Variants in RSBN1L observed in about 807,000 individuals in gnomAD.
RSBN1L encodes round spermatid basic protein 1 like.
RSBN1L carries 30 observed loss-of-function variants against 67.7 expected under a neutral mutation model. That is an observed-to-expected ratio of 0.44 (90% CI 0.33 to 0.60). RSBN1L has a LOEUF of 0.60. Ranked by LOEUF, RSBN1L falls within the 20% of genes least tolerant of loss-of-function variation. The pLI is 0.02. For synonymous variants in RSBN1L, 433 were observed against 387.0 expected (o/e 1.12, Z -1.39); for missense variants, 992 against 1,031.7 (o/e 0.96, Z 0.53).
At chr7:77,748,478 TTC>T (rs1791512359) in intron 2 of RSBN1L, among the ~76,000 whole-genome samples, 1 of 152,108 alleles carries the variant, frequency 6.6e-6, no homozygotes, top group Admixed American at 6.5e-5. Context: ...GCATAGATGA[TTC>T]TTTTTTTCTT....
At chr7:77,714,391 G>A (rs924039120) in intron 1 of RSBN1L, among the ~76,000 whole-genome samples, 9 of 152,086 alleles carry the variant, frequency 5.9e-5, no homozygotes, top group African/African-American at 1.9e-4. Flanking sequence ...TCTAATCCAA[G>A]GGTGATCTGT....
rs546383275 is a variant in RSBN1L, at chr7:77,763,694, T to C, written c.1345-1801T>C. Among the ~76,000 whole-genome samples the C allele has an allele frequency of 3.9e-4, 60 of 152,336 alleles. No homozygotes were observed. The Middle Eastern group carries it at 0.01, about 26-fold the overall frequency. On this transcript the variant is annotated intron_variant, in intron 3 of 7. Coordinates refer to ENST00000334955, the MANE Select transcript of RSBN1L (RefSeq NM_198467.3). The stretch of plus-strand genomic sequence containing the variant: ...GGGGCATAAGCCCCAGCTGTTCTTA[T>C]ATTTGTTTGTTTTTTTGAGACAGGA...
At chr7:77,770,997 A>C (rs1345025554) in intron 5 of RSBN1L, among the ~76,000 whole-genome samples, 8 of 152,182 alleles carry the variant, frequency 5.3e-5, no homozygotes, top group Admixed American at 5.2e-4. Flanking sequence ...GCTGGAGTGC[A>C]GTGGTGCAAT....
intron 1 of RSBN1L, 52 bp downstream of exon 1, chr7:77,697,107 C>T (rs1790746747): frequency 2.3e-6 from 3 of 1,319,450 alleles, no homozygotes; most frequent in Admixed American, 4.1e-5. Flanking sequence ...TCCCCGCCGC[C>T]CCCTGGCGCC....
chr7:77,754,307 T>C (rs907067373), intron 3 of RSBN1L, among the ~76,000 whole-genome samples: 12 of 152,308 alleles, frequency 7.9e-5, no homozygotes, highest in African/African-American at 2.6e-4. Context: ...GCTTTTCAAG[T>C]TTCAAAGAGT....
intron 2 of RSBN1L, among the ~76,000 whole-genome samples, chr7:77,746,324 G>A (rs987336718): frequency 5.3e-5 from 8 of 152,236 alleles, no homozygotes; most frequent in South Asian, 2.1e-4. Flanking sequence ...CAGGCACGCC[G>A]TACATGGCCA....
chr7:77,719,299 T>C (rs1791086218), intron 1 of RSBN1L, among the ~76,000 whole-genome samples: 1 of 152,208 alleles, frequency 6.6e-6, no homozygotes, highest in Non-Finnish European at 1.5e-5. Flanking sequence ...ATTGGTTGTG[T>C]GAAAAAGTGT....
chr7:77,753,752 T>C (rs1359601477), intron 3 of RSBN1L, among the ~76,000 whole-genome samples: 3 of 152,252 alleles, frequency 2.0e-5, no homozygotes, highest in Admixed American at 6.5e-5. Flanking sequence ...CCTTTCATGG[T>C]TAAATCTATA....
intron 1 of RSBN1L, among the ~76,000 whole-genome samples, chr7:77,719,053 T>TC (rs1791082705): frequency 6.6e-6 from 1 of 152,190 alleles, no homozygotes; most frequent in African/African-American, 2.4e-5. Flanking sequence ...AGCTCAGGAC[T>TC]CCAAGAGTCT....
rs1791994735 is a variant in RSBN1L at position 77,781,316 on chromosome 7, A to G, written c.*2148A>G. On this transcript the variant is annotated 3_prime_UTR_variant, in exon 8 of 8. Transcript: ENST00000334955. ...CATTGTCTTACCATGCTCCCCACCTATTTAATCTTCTGTTTTAAGCTAAAT... is the reference window on the plus strand; with the variant it reads ...CATTGTCTTACCATGCTCCCCACCTGTTTAATCTTCTGTTTTAAGCTAAAT... The G allele has an allele frequency of 2.6e-5, 4 of 152,210 alleles. No homozygotes were observed. The highest frequency in any genetic ancestry group is 2.6e-4 in the Admixed American group (4 of 15,274). The allele number at this position is 152,210 out of a possible 1,614,324, so 9.4% of individuals were successfully genotyped here.
chr7:77,723,244 G>A (rs2150416696), intron 1 of RSBN1L, among the ~76,000 whole-genome samples: 1 of 152,170 alleles, frequency 6.6e-6, no homozygotes, highest in East Asian at 1.9e-4. Context: ...GGGATTACAG[G>A]TGTGAGCCAC....
chr7:77,768,628 AT>A (rs1244418045), intron 4 of RSBN1L, 32 bp from the exon 5 acceptor site: 9 of 1,592,692 alleles, frequency 5.7e-6, no homozygotes, highest in Non-Finnish European at 7.7e-6. Flanking sequence ...CATTTTGAAA[AT>A]AATTGCAATC....
At position 77,779,216 on chromosome 7, in the gene RSBN1L, TAAAG is replaced by T. The variant is rs1562812869; in HGVS notation, c.*50_*53del. 1.5e-6 allele frequency: 2 copies of T among 1,315,094 alleles called. No homozygotes were observed. The highest frequency in any genetic ancestry group is 2.1e-6 in the Non-Finnish European group (2 of 961,060). 81.5% of individuals were successfully genotyped at this position (1,315,094 alleles called of 1,614,324 possible). On this transcript the variant is annotated 3_prime_UTR_variant, in exon 8 of 8. Coordinates refer to ENST00000334955, the MANE Select transcript of RSBN1L (RefSeq NM_198467.3). ...CCTTTTTTAAAAAAATTTAATGTAA[TAAAG>T]ATTCATGAATTCTGAAAGCAAGCCA...
intron 2 of RSBN1L, among the ~76,000 whole-genome samples, chr7:77,743,599 CTAAT>C (rs1403892643): frequency 6.6e-6 from 1 of 151,528 alleles, no homozygotes; most frequent in African/African-American, 2.4e-5. Flanking sequence ...CTATTTCAAA[CTAAT>C]GTGTTCTCCT....
At chr7:77,762,850 T>C (rs1791713036) in intron 3 of RSBN1L, among the ~76,000 whole-genome samples, 1 of 152,190 alleles carries the variant, frequency 6.6e-6, no homozygotes, top group South Asian at 2.1e-4. Context: ...ATGTATAATA[T>C]GACTTTTTAA....
intron 4 of RSBN1L, among the ~76,000 whole-genome samples, chr7:77,766,246 G>A (rs1791764716): frequency 6.6e-6 from 1 of 152,206 alleles, no homozygotes; most frequent in African/African-American, 2.4e-5. Context: ...AGGCTGGAGT[G>A]TAGTGGTGTA....
intron 2 of RSBN1L, among the ~76,000 whole-genome samples, chr7:77,739,605 C>G (rs1220262868): frequency 6.9e-6 from 1 of 144,890 alleles, no homozygotes. Context: ...CCCAGCTACT[C>G]GTGAGGCTGA....
At chr7:77,770,430 A>G (rs935233409) in intron 5 of RSBN1L, among the ~76,000 whole-genome samples, 2 of 152,074 alleles carry the variant, frequency 1.3e-5, no homozygotes, top group African/African-American at 2.4e-5. Flanking sequence ...ATGTAATCCT[A>G]GCACTTTGGG....
intron 1 of RSBN1L, among the ~76,000 whole-genome samples, chr7:77,707,388 C>G (rs1378286388): frequency 6.6e-6 from 1 of 152,120 alleles, no homozygotes; most frequent in African/African-American, 2.4e-5. Flanking sequence ...ATGACCTTTC[C>G]TTTACTCTCA....
Sources: allele counts gnomAD v4.1 joint callset (sites outside exome capture counted in the v4.1 genomes callset), GRCh38; gene constraint gnomAD v4.1.1; transcripts MANE v1.5; gene names NCBI Gene and HGNC (gene_info 2026-07-23, HGNC 2026-07-21).